Variants in NLRC4 observed in about 807,000 individuals in gnomAD.
NLRC4 encodes the protein NLR family CARD domain-containing protein 4.
In NLRC4, 63 loss-of-function variants were observed where a neutral mutation model predicts 79.9. The ratio of observed to expected loss-of-function variants is 0.79; its 90% CI spans 0.64 to 0.97. The LOEUF (loss-of-function observed/expected upper bound fraction) is 0.97, where lower values mean the gene tolerates loss of function less well. Among genes scored for constraint, NLRC4 ranks in the 50% least tolerant of loss-of-function variants. The pLI is 0.00. For synonymous variants in NLRC4, 461 were observed against 456.5 expected (o/e 1.01, Z -0.12); for missense variants, 1,074 against 1,215.2 (o/e 0.88, Z 1.73).
At chr2:32,261,315 C>CTTTTTTTTTTTTTTT (rs1558464069) in intron 1 of NLRC4, among the ~76,000 whole-genome samples, 3 of 81,508 alleles carry the variant, frequency 3.7e-5, no homozygotes, top group Admixed American at 1.4e-4. Flanking sequence ...AAGCCTCCCC[C>CTTTTTTTTTTTTTTT]CTTTTGTTTT....
intron 1 of NLRC4, among the ~76,000 whole-genome samples, chr2:32,257,488 T>A (rs1687234076): frequency 6.6e-6 from 1 of 151,778 alleles, no homozygotes; most frequent in African/African-American, 2.4e-5. Flanking sequence ...ACGCCTGTAG[T>A]CCCAGCTGTT....
In NLRC4 at chr2:32,251,295, T is replaced by C. The variant is rs745373525; in HGVS notation, c.569A>G (p.Lys190Arg). Residue 190 changes from lysine to arginine, a missense_variant, in exon 4 of 9, where the codon AAG becomes AGG. Physicochemically the swap from Lys to Arg is conservative, Grantham distance 26 (BLOSUM62 2). Coordinates refer to ENST00000402280, the MANE Select transcript of NLRC4 (RefSeq NM_001199138.2). ...QRIAMLWGSG[K>R]CKALTKFKFV... ...TTTGAACTTGGTCAGAGCCTTGCAC[T>C]TTCCGGAGCCCCAGAGCATGGCAAT... 6.2e-7 allele frequency: 1 copy of C among 1,614,038 alleles called. No individual in the cohort carries two copies. The highest frequency in any genetic ancestry group is 1.3e-5 in the African/African-American group (1 of 74,910).
At chr2:32,231,572 T>TGCGGGGGG (rs757448591) in intron 8 of NLRC4, among the ~76,000 whole-genome samples, 4 of 59,476 alleles carry the variant, frequency 6.7e-5, no homozygotes, top group African/African-American at 1.6e-4. Context: ...TATTTTTTTT[T>TGCGGGGGG]GTGGGGGGGG....
intron 1 of NLRC4, among the ~76,000 whole-genome samples, chr2:32,258,780 C>G (rs1000246401): frequency 6.6e-6 from 1 of 152,118 alleles, no homozygotes; most frequent in East Asian, 1.9e-4. Context: ...TTCCTTTCTC[C>G]CTTCCTCCTC....
At chr2:32,246,867 C>T (rs1446241644) in intron 4 of NLRC4, among the ~76,000 whole-genome samples, 1 of 152,170 alleles carries the variant, frequency 6.6e-6, no homozygotes. Context: ...CTGAAAATTC[C>T]TGGGCTCAAG....
chr2:32,265,383 G>A (rs1189888487), upstream of NLRC4, among the ~76,000 whole-genome samples: 1 of 151,928 alleles, frequency 6.6e-6, no homozygotes, highest in Non-Finnish European at 1.5e-5. Context: ...ATTTCACCAT[G>A]TTGGCCAGGC....
chr2:32,236,124 C>A lies in NLRC4; in HGVS notation c.2614+123G>T, dbSNP rs975793211. 3 of 578,968 alleles carry A rather than the reference C, an allele frequency of 5.2e-6. No homozygotes were observed. The African/African-American group carries it at 5.8e-5, about 11-fold the overall frequency. The allele number at this position is 578,968 out of a possible 1,614,324, so 35.9% of individuals were successfully genotyped here. ...TTTAAGAAAGGCCTAAATGATTTTCCTAAGGAGGGTGCATCTAGTAAGGCA... is the reference window on the plus strand; with the variant it reads ...TTTAAGAAAGGCCTAAATGATTTTCATAAGGAGGGTGCATCTAGTAAGGCA... On this transcript the variant is annotated intron_variant, in intron 7 of 8. Transcript: ENST00000402280.
intron 2 of NLRC4, among the ~76,000 whole-genome samples, chr2:32,256,069 T>G (rs1176907350): frequency 6.6e-6 from 1 of 152,162 alleles, no homozygotes; most frequent in Non-Finnish European, 1.5e-5. Flanking sequence ...AAGATATTAT[T>G]TTACTATGTT....
At chr2:32,258,626 G>C (rs1479959944) in intron 1 of NLRC4, among the ~76,000 whole-genome samples, 2 of 152,198 alleles carry the variant, frequency 1.3e-5, no homozygotes, top group Admixed American at 6.5e-5. Flanking sequence ...GCCAAGATGA[G>C]GCATTTGTTC....
At position 32,241,133 on chromosome 2, in the gene NLRC4, A is replaced by C; in HGVS notation, c.2258-8T>G. ...AGCTGTCAGTCAGACCACCTGTCAA[A>C]AGAAAAAAGATTGGACTCTTTCAGC... On this transcript the variant is annotated splice_region_variant and splice_polypyrimidine_tract_variant and intron_variant, in intron 4 of 8. Transcript: ENST00000402280. 1 of 1,555,108 alleles carries C rather than the reference A, an allele frequency of 6.4e-7. No homozygotes were observed. The highest frequency in any genetic ancestry group is 8.8e-7 in the Non-Finnish European group (1 of 1,130,538).
chr2:32,244,053 C>G (rs1686872134), intron 4 of NLRC4, among the ~76,000 whole-genome samples: 1 of 152,114 alleles, frequency 6.6e-6, no homozygotes, highest in African/African-American at 2.4e-5. Flanking sequence ...AGTCCAAGAC[C>G]AGCCTGGGCA....
chr2:32,240,251 A>C (rs112288983), intron 5 of NLRC4, among the ~76,000 whole-genome samples: 81 of 152,092 alleles, frequency 5.3e-4, no homozygotes, highest in Admixed American at 2.6e-3. Flanking sequence ...AGAGTGCTGG[A>C]ATTACAGGTG....
At chr2:32,227,752 C>T (rs1459897529) in intron 8 of NLRC4, among the ~76,000 whole-genome samples, 1 of 152,194 alleles carries the variant, frequency 6.6e-6, no homozygotes. Flanking sequence ...GAACAAACAA[C>T]ATTTGTCATA....
intron 5 of NLRC4, 59 bp downstream of exon 5, chr2:32,240,974 A>AG: frequency 9.5e-7 from 1 of 1,050,790 alleles, no homozygotes; most frequent in Non-Finnish European, 1.5e-6. Flanking sequence ...CAGAGCCTGA[A>AG]GTTAACTCCT....
At position 32,238,359 on chromosome 2, in the gene NLRC4, A is replaced by C. The variant is rs553994228; in HGVS notation, c.2351-57T>G. 1.9e-5 allele frequency: 27 copies of C among 1,407,728 alleles called. 1 individual carries two copies. In the African/African-American group the frequency reaches 2.0e-4, roughly 11 times the overall value. The allele number at this position is 1,407,728 out of a possible 1,614,324, so 87.2% of individuals were successfully genotyped here. A position where few individuals can be genotyped will look rare whatever the true frequency, so the allele number is the denominator to read the frequency against. On this transcript the variant is annotated intron_variant, in intron 5 of 8. Coordinates refer to ENST00000402280, the MANE Select transcript of NLRC4 (RefSeq NM_001199138.2). Reference sequence around the variant, plus strand: ...TACCAAGTTAATTCGATTTAAGCATAGATTAATGAACTGAAAAGAAAGCAA... The same window carrying C: ...TACCAAGTTAATTCGATTTAAGCATCGATTAATGAACTGAAAAGAAAGCAA...
rs1238816088 is a variant in NLRC4 at position 32,233,342 on chromosome 2, TATATATA to T, written c.2782+2052_2782+2058del. On this transcript the variant is annotated intron_variant, in intron 8 of 8. Coordinates refer to ENST00000402280, the MANE Select transcript of NLRC4 (RefSeq NM_001199138.2). ...TTAAATATATATATATATATATATA[TATATATA>T]TTTTTTTTTTTTTTTTTTTAATTGT... Among the ~76,000 whole-genome samples, 141 of 45,992 alleles carry T rather than the reference TATATATA, an allele frequency of 3.1e-3. 1 individual carries two copies. The highest frequency in any genetic ancestry group is 3.9e-3 in the Non-Finnish European group (95 of 24,222). 30.2% of individuals were successfully genotyped at this position (45,992 alleles called of 152,430 possible).
intron 1 of NLRC4, among the ~76,000 whole-genome samples, chr2:32,257,600 C>G (rs1276706690): frequency 7.5e-6 from 1 of 134,008 alleles, no homozygotes; most frequent in Non-Finnish European, 1.6e-5. Flanking sequence ...GAGCGAGACT[C>G]TGCCTCAAAA....
intron 1 of NLRC4, among the ~76,000 whole-genome samples, chr2:32,258,259 A>G (rs571031806): frequency 2.0e-4 from 30 of 151,998 alleles, no homozygotes; most frequent in Non-Finnish European, 3.7e-4. Flanking sequence ...TCTCCCTTCA[A>G]CGTCCTCTGG....
At chr2:32,261,315 C>CG (rs1558464069) in intron 1 of NLRC4, among the ~76,000 whole-genome samples, 2 of 81,508 alleles carry the variant, frequency 2.5e-5, no homozygotes, top group Non-Finnish European at 5.2e-5. Flanking sequence ...AAGCCTCCCC[C>CG]CTTTTGTTTT....
Sources: allele counts gnomAD v4.1 joint callset (sites outside exome capture counted in the v4.1 genomes callset), GRCh38; gene constraint gnomAD v4.1.1; transcripts MANE v1.5; gene names NCBI Gene and HGNC (gene_info 2026-07-23, HGNC 2026-07-21).